The following CCSER1 variants were observed in gnomAD, a reference collection of about 807,000 sequenced individuals.
CCSER1 encodes coiled-coil serine rich protein 1, also known as serine-rich coiled-coil domain-containing protein 1.
In CCSER1, 41 loss-of-function variants were observed where a neutral mutation model predicts 82.0. The ratio of observed to expected loss-of-function variants is 0.50; its 90% confidence interval spans 0.39 to 0.65. CCSER1 has a LOEUF of 0.65. Among genes scored for constraint, CCSER1 ranks in the 30% least tolerant of loss-of-function variants. CCSER1 has a pLI of 0.00. For synonymous variants in CCSER1, 414 were observed against 383.9 expected (o/e 1.08, Z -0.92); for missense variants, 1,119 against 1,064.2 (o/e 1.05, Z -0.72).
intron 10 of CCSER1, among the ~76,000 whole-genome samples, chr4:91,152,983 T>C (rs1350089362): frequency 1.3e-5 from 2 of 151,978 alleles, no homozygotes; most frequent in Non-Finnish European, 2.9e-5. Flanking sequence ...CTAACAATTA[T>C]GTGTCTTGGA....
intron 5 of CCSER1, among the ~76,000 whole-genome samples, chr4:90,529,953 T>TATATATA (rs1362762409): frequency 6.7e-5 from 6 of 89,976 alleles, no homozygotes; most frequent in African/African-American, 1.8e-4. Flanking sequence ...ATATATATAT[T>TATATATA]TTTTTTTTCT....
chr4:91,272,455 T>C (rs890891579), intron 10 of CCSER1, among the ~76,000 whole-genome samples: 2 of 152,230 alleles, frequency 1.3e-5, no homozygotes, highest in Non-Finnish European at 2.9e-5. Flanking sequence ...TGGTTTTTTT[T>C]CTTGCTAATA....
chr4:90,790,614 G>T (rs1166488494), intron 7 of CCSER1, among the ~76,000 whole-genome samples: 1 of 151,890 alleles, frequency 6.6e-6, no homozygotes, highest in East Asian at 1.9e-4. Context: ...GTTTTCTTTT[G>T]CTGTGAGGCA....
intron 2 of CCSER1, among the ~76,000 whole-genome samples, chr4:90,312,073 C>T (rs976458289): frequency 6.6e-6 from 1 of 152,112 alleles, no homozygotes; most frequent in Non-Finnish European, 1.5e-5. Flanking sequence ...TTAAATGTAA[C>T]AGGATGATAC....
intron 8 of CCSER1, among the ~76,000 whole-genome samples, chr4:90,852,271 G>A (rs1763976288): frequency 6.6e-6 from 1 of 152,216 alleles, no homozygotes; most frequent in African/African-American, 2.4e-5. Flanking sequence ...TGGCAAAGAA[G>A]TCACTGTGGT....
At chr4:90,325,948 A>T (rs1359294776) in intron 3 of CCSER1, among the ~76,000 whole-genome samples, 2 of 152,128 alleles carry the variant, frequency 1.3e-5, no homozygotes, top group Non-Finnish European at 2.9e-5. Context: ...TAAAATTGAG[A>T]CATTTATAAT....
In CCSER1 at chr4:90,312,868, G is replaced by C; in HGVS notation, c.1330G>C (p.Ala444Pro). 1 of 1,559,694 alleles carries C rather than the reference G, an allele frequency of 6.4e-7. No individual in the cohort carries two copies. The highest frequency in any genetic ancestry group is 8.7e-7 in the Non-Finnish European group (1 of 1,149,314). The stretch of plus-strand genomic sequence containing the variant: ...ATTTATTTTCCTTTCCATAGTTCTT[G>C]CCAGTAGTCTCAGTCCATTTCGTGA... ...GYEANPAKVL[A>P]SSLSPFREGR... is the part of the protein sequence containing the mutation. Residue 444 changes from alanine (A) to proline (P), a missense_variant, in exon 3 of 11, where the codon GCC (alanine) becomes CCC (proline). Transcript: ENST00000509176.
intron 10 of CCSER1, among the ~76,000 whole-genome samples, chr4:91,434,990 G>GT (rs1052878942): frequency 2.6e-5 from 4 of 152,118 alleles, no homozygotes; most frequent in Non-Finnish European, 4.4e-5. Flanking sequence ...TGTTGTTGTT[G>GT]TTGTTTGTTT....
intron 3 of CCSER1, among the ~76,000 whole-genome samples, chr4:90,397,791 A>G (rs1752220373): frequency 6.6e-6 from 1 of 152,330 alleles, no homozygotes; most frequent in Non-Finnish European, 1.5e-5. Context: ...GGGTGGTTCC[A>G]ATTAAAAAGG....
intron 10 of CCSER1, among the ~76,000 whole-genome samples, chr4:91,417,906 A>G (rs566672095): frequency 6.6e-6 from 1 of 152,248 alleles, no homozygotes; most frequent in African/African-American, 2.4e-5. Context: ...TTGAGCCACA[A>G]AACAAATCCT....
intron 1 of CCSER1, among the ~76,000 whole-genome samples, chr4:90,195,874 C>G (rs1281939653): frequency 6.6e-6 from 1 of 152,052 alleles, no homozygotes; most frequent in Non-Finnish European, 1.5e-5. Context: ...TGGAAACAAT[C>G]AAAATGTCCA....
Position 91,437,175 on chromosome 4 carries a change from G to A in CCSER1, c.2218-161397G>A, listed in dbSNP as rs72880881. ...ATGAGAAATAAATGTCAGATTAACT[G>A]GGCCAAAAATAAAACTTGTATTTTT... On this transcript the variant is annotated intron_variant, in intron 10 of 10. Transcript: ENST00000509176. Among the ~76,000 whole-genome samples, 169 of 152,260 alleles carry A rather than the reference G, an allele frequency of 1.1e-3. 1 individual carries two copies. Among genetic ancestry groups the A allele is most frequent in the African/African-American group, 3.9e-3 (160 of 41,556 alleles).
At chr4:90,752,453 T>C (rs1748816608) in intron 7 of CCSER1, among the ~76,000 whole-genome samples, 1 of 152,090 alleles carries the variant, frequency 6.6e-6, no homozygotes, top group Non-Finnish European at 1.5e-5. Context: ...GCTTAGGTAA[T>C]TTGGGCCTGA....
chr4:91,106,574 C>T (rs950106908), intron 10 of CCSER1, among the ~76,000 whole-genome samples: 3 of 152,148 alleles, frequency 2.0e-5, no homozygotes, highest in Non-Finnish European at 4.4e-5. Flanking sequence ...TAGGTGTTAT[C>T]TCATCCAAGA....
intron 6 of CCSER1, among the ~76,000 whole-genome samples, chr4:90,705,686 C>G (rs1018114946): frequency 1.3e-5 from 2 of 152,160 alleles, no homozygotes; most frequent in Non-Finnish European, 2.9e-5. Context: ...GCGCCCCTCC[C>G]CCAGTCTCAC....
chr4:90,141,789 C>G (rs1025361590), intron 1 of CCSER1, among the ~76,000 whole-genome samples: 1 of 152,148 alleles, frequency 6.6e-6, no homozygotes, highest in African/African-American at 2.4e-5. Context: ...GCTAATATGC[C>G]AAGTTATTAC....
chr4:90,483,840 A>C (rs1273487398), intron 5 of CCSER1, among the ~76,000 whole-genome samples: 1 of 152,132 alleles, frequency 6.6e-6, no homozygotes, highest in East Asian at 1.9e-4. Flanking sequence ...TGAATCTGAC[A>C]ATTATGTATC....
chr4:90,381,780 A>G (rs1749248881), intron 3 of CCSER1, among the ~76,000 whole-genome samples: 1 of 152,140 alleles, frequency 6.6e-6, no homozygotes, highest in African/African-American at 2.4e-5. Flanking sequence ...ATTTTAACAC[A>G]ACTGTAATTA....
intron 7 of CCSER1, among the ~76,000 whole-genome samples, chr4:90,785,203 AT>A (rs1754310209): frequency 6.6e-6 from 1 of 151,936 alleles, no homozygotes; most frequent in Admixed American, 6.6e-5. Context: ...TGCCCAGCTA[AT>A]TTTTGTATTT....
Sources: gnomAD v4.1 joint callset for allele counts (sites outside exome capture counted in the v4.1 genomes callset) on GRCh38, gnomAD v4.1.1 for gene constraint, MANE v1.5 for transcripts, NCBI Gene and HGNC (gene_info 2026-07-23, HGNC 2026-07-21) for gene names.